IL34: variants seen among roughly 807,000 people sequenced by gnomAD.
IL34 encodes interleukin 34.
A neutral mutation model predicts 25.3 loss-of-function variants in IL34; 17 were observed. The ratio of observed to expected loss-of-function variants is 0.67; its 90% confidence interval spans 0.46 to 1.01. The LOEUF is 1.01. Among genes scored for constraint, IL34 ranks in the 50% least tolerant of loss-of-function variants. The pLI, the probability that IL34 is intolerant of heterozygous loss-of-function variation, is 0.00. For synonymous variants in IL34, 174 were observed against 140.9 expected (o/e 1.23, Z -1.66); for missense variants, 368 against 312.9 (o/e 1.18, Z -1.33).
intron 1 of IL34, among the ~76,000 whole-genome samples, chr16:70,586,347 T>G (rs531886142): frequency 6.6e-6 from 1 of 152,222 alleles, no homozygotes; most frequent in South Asian, 2.1e-4. Context: ...CCAAGACGGA[T>G]CACTTGAGTC....
chr16:70,618,903 T>C (rs2051218028), intron 1 of IL34, among the ~76,000 whole-genome samples: 1 of 151,902 alleles, frequency 6.6e-6, no homozygotes, highest in Non-Finnish European at 1.5e-5. Context: ...CAAGTGAAAG[T>C]GAAGAGAGGC....
intron 1 of IL34, among the ~76,000 whole-genome samples, chr16:70,641,486 A>T (rs1001088693): frequency 2.6e-5 from 4 of 151,788 alleles, no homozygotes; most frequent in Admixed American, 6.6e-5. Flanking sequence ...TACATAAATT[A>T]AAAAAATTCT....
At chr16:70,659,904 A>T in intron 5 of IL34, 93 bp from the exon 6 acceptor site, 3 of 1,468,918 alleles carry the variant, frequency 2.0e-6, no homozygotes, top group Non-Finnish European at 2.8e-6. Flanking sequence ...GGCCCTGGGT[A>T]GAGTGGGGGA....
At position 70,654,562 on chromosome 16, in the gene IL34, C is replaced by A. The variant is rs766468671; in HGVS notation, c.53C>A (p.Ala18Asp). The A allele has an allele frequency of 6.2e-7, 1 of 1,612,894 alleles. No homozygotes were observed. Among genetic ancestry groups the A allele is most frequent in the South Asian group, 1.1e-5 (1 of 90,912 alleles). ...GATCTTGGGATCTTCCTTGGCGTGGCCTTGGGGAATGAGCCTTTGGAGATG... is the reference window on the plus strand; with the variant it reads ...GATCTTGGGATCTTCCTTGGCGTGGACTTGGGGAATGAGCCTTTGGAGATG... ...LRYLGIFLGV[A>D]LGNEPLEMWP... is the part of the protein sequence containing the mutation. The change falls in exon 2 of 6, where the codon GCC (alanine) becomes GAC (aspartate). Residue 18 changes from alanine to aspartate, a missense_variant. Ala to Asp is a moderately radical substitution (Grantham distance 126, BLOSUM62 -2). Transcript: ENST00000288098.
chr16:70,626,960 C>T (rs1428818642), intron 1 of IL34, among the ~76,000 whole-genome samples: 1 of 152,030 alleles, frequency 6.6e-6, no homozygotes, highest in Non-Finnish European at 1.5e-5. Flanking sequence ...CAAGTTCCCA[C>T]TGTTTTGTTT....
chr16:70,639,932 T>C (rs969133759), intron 1 of IL34, among the ~76,000 whole-genome samples: 1 of 151,552 alleles, frequency 6.6e-6, no homozygotes, highest in African/African-American at 2.4e-5. Context: ...CACTCCAGCC[T>C]GGGTGACAAA....
upstream of IL34, among the ~76,000 whole-genome samples, chr16:70,644,564 A>G (rs1197392462): frequency 6.6e-6 from 1 of 152,114 alleles, no homozygotes; most frequent in Non-Finnish European, 1.5e-5. Flanking sequence ...GTATACTGAA[A>G]AGGGTAAAAT....
chr16:70,635,731 C>G (rs1416138038), intron 1 of IL34, among the ~76,000 whole-genome samples: 1 of 152,144 alleles, frequency 6.6e-6, no homozygotes, highest in Admixed American at 6.5e-5. Context: ...GGAAATGATT[C>G]AAATATAAAA....
intron 1 of IL34, among the ~76,000 whole-genome samples, chr16:70,602,582 GATGT>G (rs990978248): frequency 8.6e-5 from 8 of 92,912 alleles, no homozygotes; most frequent in Non-Finnish European, 1.5e-4. Context: ...CTTTGGAATT[GATGT>G]GTGTGTGTGT....
At chr16:70,587,311 C>T (rs141868135) in intron 1 of IL34, among the ~76,000 whole-genome samples, 4,805 of 152,056 alleles carry the variant, frequency 0.032, 290 homozygotes, top group African/African-American at 0.11. Context: ...ACTCTGTTGC[C>T]CAGGCTGGAG....
At chr16:70,622,848 G>A (rs1255673180) in intron 1 of IL34, among the ~76,000 whole-genome samples, 2 of 151,992 alleles carry the variant, frequency 1.3e-5, no homozygotes, top group African/African-American at 2.4e-5. Flanking sequence ...GATTTTTAGG[G>A]CCTCTAAAAG....
chr16:70,581,200 C>T (rs908108092), intron 1 of IL34, among the ~76,000 whole-genome samples: 11 of 152,150 alleles, frequency 7.2e-5, no homozygotes, highest in Non-Finnish European at 1.3e-4. Flanking sequence ...GCGTGAGCCA[C>T]CACGCCCGGC....
chr16:70,634,285 G>T (rs1188560873), intron 1 of IL34, among the ~76,000 whole-genome samples: 1 of 149,892 alleles, frequency 6.7e-6, no homozygotes, highest in African/African-American at 2.5e-5. Context: ...TTCCAGGTAA[G>T]ATATGAACTG....
chr16:70,652,312 T>C (rs1304785247), intron 1 of IL34, among the ~76,000 whole-genome samples: 1 of 150,554 alleles, frequency 6.6e-6, no homozygotes, highest in Non-Finnish European at 1.5e-5. Context: ...AAAAAAAAAT[T>C]AGCTGGGTGT....
intron 1 of IL34, among the ~76,000 whole-genome samples, chr16:70,583,263 C>T (rs1379564505): frequency 6.6e-6 from 1 of 152,008 alleles, no homozygotes; most frequent in Non-Finnish European, 1.5e-5. Flanking sequence ...CAGGCACGCG[C>T]CACCATGCCT....
intron 1 of IL34, among the ~76,000 whole-genome samples, chr16:70,626,052 T>C (rs2051387050): frequency 6.6e-6 from 1 of 152,174 alleles, no homozygotes; most frequent in South Asian, 2.1e-4. Flanking sequence ...CACACAGGCT[T>C]TGTGTGACCA....
At position 70,586,796 on chromosome 16, in the gene IL34, C is replaced by G. The variant is rs113046460; in HGVS notation, c.-401+6747C>G. Among the ~76,000 whole-genome samples, 6 of 152,140 alleles carry G rather than the reference C, an allele frequency of 3.9e-5. No individual in the cohort carries two copies. The East Asian group carries it at 1.2e-3, about 29-fold the overall frequency. ...TCCCCCATTTTACAGATGAAGAAAT[C>G]GAGGTACAGGGAAGTCTCCCAGCTT... On this transcript the variant is annotated intron_variant, in intron 1 of 6. Transcript: ENST00000429149.
At chr16:70,644,053 C>T (rs1393433943), upstream of IL34, among the ~76,000 whole-genome samples, 1 of 152,312 alleles carries the variant, frequency 6.6e-6, no homozygotes, top group East Asian at 1.9e-4. Context: ...TGGCTCACTG[C>T]AACCTCCGCC....
intron 1 of IL34, among the ~76,000 whole-genome samples, chr16:70,638,676 C>A (rs1055161736): frequency 3.3e-5 from 5 of 152,124 alleles, no homozygotes; most frequent in African/African-American, 1.2e-4. Context: ...CGGCTCACTG[C>A]AGCTTGGACC....
Sources: gnomAD v4.1 joint callset for allele counts (sites outside exome capture counted in the v4.1 genomes callset) on GRCh38, gnomAD v4.1.1 for gene constraint, MANE v1.5 for transcripts, NCBI Gene and HGNC (gene_info 2026-07-23, HGNC 2026-07-21) for gene names.